STAB2: variants seen among roughly 807,000 people sequenced by gnomAD.
The protein encoded by STAB2 is stabilin 2, also known as stabilin-2.
Under a neutral mutation model 338.1 loss-of-function variants are expected in STAB2, and 288 were observed. That is an observed-to-expected ratio of 0.85 (90% CI 0.77 to 0.94). The LOEUF is 0.94. Among genes scored for constraint, STAB2 ranks in the 40% least tolerant of loss-of-function variants. STAB2 has a pLI of 0.00. For missense variants in STAB2, 3,141 were observed against 3,210.1 expected, an observed-to-expected ratio of 0.98 and a Z score of 0.52; for synonymous variants, 1,202 against 1,193.3, an observed-to-expected ratio of 1.01 and a Z score of -0.15.
At chr12:103,750,077 A>G (rs932209967) in intron 59 of STAB2, among the ~76,000 whole-genome samples, 4 of 152,122 alleles carry the variant, frequency 2.6e-5, no homozygotes, top group Non-Finnish European at 5.9e-5. Context: ...CAGACATCAT[A>G]GAGTTGTTGT....
chr12:103,689,035 A>C (rs1289257222), intron 28 of STAB2, among the ~76,000 whole-genome samples: 13 of 150,992 alleles, frequency 8.6e-5, no homozygotes, highest in Non-Finnish European at 1.8e-4. Context: ...TTTCCTGGAG[A>C]TCCAGTTGTT....
At chr12:103,617,527 G>A (rs1487799737) in intron 3 of STAB2, among the ~76,000 whole-genome samples, 1 of 152,194 alleles carries the variant, frequency 6.6e-6, no homozygotes, top group African/African-American at 2.4e-5. Context: ...CATTGACTTT[G>A]CCAAAAGCAA....
chr12:103,762,317 T>G lies in STAB2; in HGVS notation c.7403T>G (p.Ile2468Ser). The G allele has an allele frequency of 6.2e-7, 1 of 1,614,222 alleles. No individual in the cohort carries two copies. Among genetic ancestry groups the G allele is most frequent in the Non-Finnish European group, 8.5e-7 (1 of 1,180,046 alleles). Reference sequence around the variant, plus strand: ...TTGGGAGCAGGGATCTTCTTTGCCATCATCCTGGTGACTGGGGCTGTTGCC... The same window carrying G: ...TTGGGAGCAGGGATCTTCTTTGCCAGCATCCTGGTGACTGGGGCTGTTGCC... ...TGLGAGIFFAIILVTGAVALA... is the reference protein window; with the variant it reads ...TGLGAGIFFASILVTGAVALA... Residue 2468 changes from isoleucine to serine, a missense_variant, in exon 67 of 69, where the codon ATC becomes AGC. Physicochemically the swap from Ile to Ser is moderately radical, Grantham distance 142. Coordinates refer to ENST00000388887, the MANE Select transcript of STAB2 (RefSeq NM_017564.10).
At chr12:103,683,091 G>A (rs891486949) in intron 25 of STAB2, 114 bp from the exon 26 acceptor site, 2 of 804,972 alleles carry the variant, frequency 2.5e-6, no homozygotes, top group Non-Finnish European at 3.9e-6. Context: ...ACTGTTCTCT[G>A]GGACAGCCAA....
At chr12:103,729,056 G>T in intron 48 of STAB2, 61 bp downstream of exon 48, 3 of 1,552,310 alleles carry the variant, frequency 1.9e-6, no homozygotes. Context: ...CAGGAACCTG[G>T]ATGGAGCTGG....
At position 103,664,335 on chromosome 12, in the gene STAB2, G is replaced by A. The variant is rs571479136; in HGVS notation, c.2022+1337G>A. Among the ~76,000 whole-genome samples the A allele has an allele frequency of 1.6e-4, 24 of 152,156 alleles. No individual in the cohort carries two copies. In the South Asian group the frequency reaches 1.9e-3, roughly 12 times the overall value. The stretch of plus-strand genomic sequence containing the variant: ...ATTTTTTTGTATTTTTAGTAGAGAC[G>A]GGGTTTCACTGTGTTCACCAGGATG... On this transcript the variant is annotated intron_variant, in intron 18 of 68. Coordinates refer to ENST00000388887, the MANE Select transcript of STAB2 (RefSeq NM_017564.10).
At chr12:103,694,423 A>T (rs544922101) in intron 31 of STAB2, among the ~76,000 whole-genome samples, 36 of 152,180 alleles carry the variant, frequency 2.4e-4, no homozygotes, top group Non-Finnish European at 4.0e-4. Flanking sequence ...TCTTCCTCCA[A>T]CACAGGGGTT....
chr12:103,617,075 C>T (rs753173135), intron 3 of STAB2, among the ~76,000 whole-genome samples: 2 of 152,182 alleles, frequency 1.3e-5, no homozygotes, highest in African/African-American at 2.4e-5. Flanking sequence ...CAGATCTAAA[C>T]CAACTGGGCC....
At chr12:103,641,290 G>A (rs1015187545) in intron 9 of STAB2, among the ~76,000 whole-genome samples, 1 of 152,162 alleles carries the variant, frequency 6.6e-6, no homozygotes, top group African/African-American at 2.4e-5. Context: ...ATTGTACATG[G>A]AGTGGAAAGA....
At chr12:103,688,711 T>A (rs147461715) in intron 28 of STAB2, among the ~76,000 whole-genome samples, 109 of 152,314 alleles carry the variant, frequency 7.2e-4, no homozygotes, top group African/African-American at 2.1e-3. Context: ...GACAGCTTCC[T>A]GTTGCTTCTG....
intron 3 of STAB2, among the ~76,000 whole-genome samples, chr12:103,594,895 C>G (rs748654612): frequency 6.6e-6 from 1 of 151,920 alleles, no homozygotes; most frequent in African/African-American, 2.4e-5. Context: ...GTTTGGCAAC[C>G]AAAATAATAA....
chr12:103,750,452 C>A, intron 59 of STAB2, 127 bp from the exon 60 acceptor site: 1 of 1,201,146 alleles, frequency 8.3e-7, no homozygotes, highest in Non-Finnish European at 1.2e-6. Context: ...TCCCACTGGA[C>A]AGGAAAGGCA....
chr12:103,676,463 T>G (rs902638174), intron 24 of STAB2, among the ~76,000 whole-genome samples: 27 of 152,182 alleles, frequency 1.8e-4, no homozygotes, highest in Non-Finnish European at 2.9e-5. Context: ...TTCATATGCA[T>G]GAAGCATTTG....
chr12:103,677,345 T>C, intron 24 of STAB2, 108 bp from the exon 25 acceptor site: 2 of 1,423,756 alleles, frequency 1.4e-6, no homozygotes, highest in Non-Finnish European at 1.9e-6. Context: ...CCTCACTCAA[T>C]GCAAATCTGT....
chr12:103,756,998 T>A (rs201296893), intron 63 of STAB2, among the ~76,000 whole-genome samples: 1,124 of 14,488 alleles, frequency 0.078, 24 homozygotes, highest in African/African-American at 0.33. Context: ...GGAGGGAAAA[T>A]ATATATATAT....
intron 8 of STAB2, 43 bp from the exon 9 acceptor site, chr12:103,640,080 C>T (rs747751345): frequency 1.5e-5 from 23 of 1,555,394 alleles, no homozygotes; most frequent in Non-Finnish European, 2.0e-5. Flanking sequence ...GCTGAAGTAA[C>T]TAACTAGGAT....
chr12:103,683,428 G>A (rs1877113028), intron 26 of STAB2, 128 bp downstream of exon 26: 1 of 757,792 alleles, frequency 1.3e-6, no homozygotes. Context: ...GAATCTCTAA[G>A]CAGAATGCGA....
In STAB2 at chr12:103,713,640, T is replaced by C. The variant is rs1203363601; in HGVS notation, c.4412-3T>C. 6.8e-6 allele frequency: 11 copies of C among 1,613,652 alleles called. 1 individual carries two copies. Among genetic ancestry groups the C allele is most frequent in the South Asian group, 6.6e-5 (6 of 91,088 alleles). ...CCCTTCTGCTCTGTGTCATCTTCTA[T>C]AGCAATCAATGCCTGTGAGATCAGC... On this transcript the variant is annotated splice_region_variant and splice_polypyrimidine_tract_variant and intron_variant, in intron 41 of 68. Coordinates refer to ENST00000388887, the MANE Select transcript of STAB2 (RefSeq NM_017564.10).
At chr12:103,621,934 A>G in intron 4 of STAB2, 108 bp from the exon 5 acceptor site, 1 of 1,003,362 alleles carries the variant, frequency 1.0e-6, no homozygotes, top group South Asian at 1.5e-5. Context: ...GGATAGGCAC[A>G]GAGGGAAAAT....
Sources: gnomAD v4.1 joint callset for allele counts (sites outside exome capture counted in the v4.1 genomes callset) on GRCh38, gnomAD v4.1.1 for gene constraint, MANE v1.5 for transcripts, NCBI Gene and HGNC (gene_info 2026-07-23, HGNC 2026-07-21) for gene names.